CAMTA2: variants seen among roughly 807,000 people sequenced by gnomAD.
CAMTA2 encodes the protein calmodulin binding transcription activator 2, also known as calmodulin-binding transcription activator 2.
A neutral mutation model predicts 135.7 loss-of-function variants in CAMTA2; 56 were observed. The ratio of observed to expected loss-of-function variants is 0.41; its 90% CI spans 0.33 to 0.52. The LOEUF is 0.52. Ranked by LOEUF, CAMTA2 falls within the 20% of genes least tolerant of loss-of-function variation. CAMTA2 has a pLI of 0.16. For synonymous variants in CAMTA2, 591 were observed against 604.6 expected (o/e 0.98, Z 0.33); for missense variants, 1,358 against 1,553.4 (o/e 0.87, Z 2.11).
chr17:4,968,723 G>A lies in CAMTA2; in HGVS notation c.*33C>T, dbSNP rs565170102. The A allele has an allele frequency of 4.3e-6, 7 of 1,613,048 alleles. No individual in the cohort carries two copies. The highest frequency in any genetic ancestry group is 2.2e-5 in the East Asian group (1 of 44,864). Reference sequence around the variant, plus strand: ...TCTCCCTGTTAAGACTGCACGAGGCGCCCCCAGGGTGGTGAGAAAGGCGGT... The same window carrying A: ...TCTCCCTGTTAAGACTGCACGAGGCACCCCCAGGGTGGTGAGAAAGGCGGT... On this transcript the variant is annotated 3_prime_UTR_variant, in exon 23 of 23. Coordinates refer to ENST00000348066, the MANE Select transcript of CAMTA2 (RefSeq NM_015099.4).
chr17:4,972,972 C>T lies in CAMTA2; in HGVS notation c.2300G>A (p.Gly767Glu). 1 of 1,612,936 alleles carries T rather than the reference C, an allele frequency of 6.2e-7. No homozygotes were observed. The highest frequency in any genetic ancestry group is 8.5e-7 in the Non-Finnish European group (1 of 1,179,796). ...CTPLMWACAL[G>E]HLEAAVLLFR... ...AAGGAGCACAGCAGCTTCCAGGTGT[C>T]CCAGGGCACAAGCCCACATCTGAGG... Residue 767 changes from glycine (G) to glutamate (E), a missense_variant, in exon 15 of 23, where the codon GGA becomes GAA. Gly to Glu is a moderately conservative substitution (Grantham distance 98). Around this residue, in one of 4 missense-constraint regions of CAMTA2, gnomAD observed 1,077 missense variants for 1,127.5 expected, o/e 0.96. Transcript: ENST00000348066.
At chr17:4,982,725 G>C (rs547769975) in intron 5 of CAMTA2, 32 bp downstream of exon 5, 1 of 1,612,672 alleles carries the variant, frequency 6.2e-7, no homozygotes, top group South Asian at 1.1e-5. Flanking sequence ...GGGCAGGCTC[G>C]GGAAGATGAG....
chr17:4,970,540 G>A lies in CAMTA2; in HGVS notation c.2809-4C>T, dbSNP rs753261673. The stretch of plus-strand genomic sequence containing the variant: ...TGGCTAGTGAGATCATGTCCACCTG[G>A]AAGAAGGGAGAAGCTGAGTGAGTCC... On this transcript the variant is annotated splice_polypyrimidine_tract_variant and splice_region_variant and intron_variant, in intron 16 of 22. Coordinates refer to ENST00000348066, the MANE Select transcript of CAMTA2 (RefSeq NM_015099.4). 6 of 1,605,992 alleles carry A rather than the reference G, an allele frequency of 3.7e-6. No individual in the cohort carries two copies. In the African/African-American group the frequency reaches 4.0e-5, roughly 11 times the overall value.
chr17:4,971,778 T>C (rs1299667255), intron 16 of CAMTA2, among the ~76,000 whole-genome samples: 1 of 147,918 alleles, frequency 6.8e-6, no homozygotes, highest in Non-Finnish European at 1.5e-5. Flanking sequence ...AGCCTGTGCC[T>C]CCTGGGTTCA....
In CAMTA2 at chr17:4,986,268, G is replaced by A. The variant is rs1415823620; in HGVS notation, c.-46C>T. On this transcript the variant is annotated 5_prime_UTR_variant, in exon 2 of 23. Transcript: ENST00000348066. Reference sequence around the variant, plus strand: ...AGGTCACCCCCGGCCTGAGGGGCCGGGGGGAGGGGGAGTCTGTGCTGGGAA... The same window carrying A: ...AGGTCACCCCCGGCCTGAGGGGCCGAGGGGAGGGGGAGTCTGTGCTGGGAA... The A allele has an allele frequency of 2.0e-6, 3 of 1,477,436 alleles. No homozygotes were observed. The highest frequency in any genetic ancestry group is 2.8e-5 in the African/African-American group (2 of 71,158). The allele number at this position is 1,477,436 out of a possible 1,614,324, so 91.5% of individuals were successfully genotyped here.
At chr17:4,968,856 G>A (rs779792729) in intron 22 of CAMTA2, 37 bp from the exon 23 acceptor site, 2 of 1,612,110 alleles carry the variant, frequency 1.2e-6, no homozygotes, top group Admixed American at 1.7e-5. Context: ...GGAGACTGGC[G>A]GATCACGACG....
chr17:4,976,288 G>A (rs530342416), intron 11 of CAMTA2, among the ~76,000 whole-genome samples: 125 of 152,132 alleles, frequency 8.2e-4, no homozygotes, highest in Non-Finnish European at 1.4e-3. Context: ...TTAGAAGCAC[G>A]AGCCACCGCG....
intron 1 of CAMTA2, chr17:4,986,882 C>A: frequency 7.9e-7 from 1 of 1,271,164 alleles, no homozygotes; most frequent in Non-Finnish European, 1.1e-6. Context: ...CACCCTCCGG[C>A]TGACAGCCCT....
chr17:4,969,527 G>A lies in CAMTA2; in HGVS notation c.3262-7C>T, dbSNP rs367969360. Reference sequence around the variant, plus strand: ...TAAGTGCAATCCAGGTCAGCTTGTGGAGAGAGAAGGGGAGTTAGGGCTCTG... The same window carrying A: ...TAAGTGCAATCCAGGTCAGCTTGTGAAGAGAGAAGGGGAGTTAGGGCTCTG... On this transcript the variant is annotated splice_polypyrimidine_tract_variant and splice_region_variant and intron_variant, in intron 19 of 22. Coordinates refer to ENST00000348066, the MANE Select transcript of CAMTA2 (RefSeq NM_015099.4). This position sits in a 1 kb window ranked among gnomAD's most constrained non-coding sequence, Gnocchi z 5.6. 1 of 1,614,014 alleles carries A rather than the reference G, an allele frequency of 6.2e-7. No individual in the cohort carries two copies. The highest frequency in any genetic ancestry group is 8.5e-7 in the Non-Finnish European group (1 of 1,180,018).
At chr17:4,987,276 G>A in intron 1 of CAMTA2, 1 of 1,343,048 alleles carries the variant, frequency 7.4e-7, no homozygotes, top group African/African-American at 1.5e-5. Context: ...GAACCTCCGA[G>A]GTGGGAGGGT....
chr17:4,979,025 C>T (rs1972797622), intron 9 of CAMTA2, among the ~76,000 whole-genome samples: 1 of 152,230 alleles, frequency 6.6e-6, no homozygotes. Flanking sequence ...AGTCTGCAAT[C>T]ACATCCCTGA....
chr17:4,982,294 A>G (rs1208091433), intron 5 of CAMTA2, 134 bp from the exon 6 acceptor site: 2 of 672,992 alleles, frequency 3.0e-6, no homozygotes, highest in Non-Finnish European at 5.3e-6. Context: ...GCCCCCACCT[A>G]TTCCCCACCC....
chr17:4,979,582 GAA>G, intron 9 of CAMTA2, 100 bp downstream of exon 9: 1 of 733,878 alleles, frequency 1.4e-6, no homozygotes, highest in African/African-American at 1.8e-5. Context: ...AAAACTGAGG[GAA>G]ACTAGGTCAC....
chr17:4,984,998 C>T (rs538855917), intron 3 of CAMTA2, among the ~76,000 whole-genome samples: 6 of 136,302 alleles, frequency 4.4e-5, no homozygotes, highest in Admixed American at 1.6e-4. Context: ...GCCTGGGCGA[C>T]AGAGCGAGAC....
intron 11 of CAMTA2, 22 bp downstream of exon 11, chr17:4,977,036 G>A: frequency 1.2e-6 from 2 of 1,613,720 alleles, no homozygotes; most frequent in East Asian, 2.2e-5. Flanking sequence ...GGATACTTGG[G>A]TTCAGAGGGC....
In CAMTA2 at chr17:4,970,390, C is replaced by T. The variant is rs1462113506; in HGVS notation, c.2955G>A (p.Leu985=). 1 of 1,614,180 alleles carries T rather than the reference C, an allele frequency of 6.2e-7. No individual in the cohort carries two copies. Among genetic ancestry groups the T allele is most frequent in the Non-Finnish European group, 8.5e-7 (1 of 1,180,042 alleles). The change falls in exon 17 of 23, where the codon CTG becomes CTA. Residue 985 remains leucine (L), a synonymous_variant. Transcript: ENST00000348066. Reference sequence around the variant, plus strand: ...GGTCCACATTCTCCAGGTAGCTGGCCAGCCAGGACATGGTCTCACTGAGCC... The same window carrying T: ...GGTCCACATTCTCCAGGTAGCTGGCTAGCCAGGACATGGTCTCACTGAGCC... ...AVGLSETMSW[L]ASYLENVDHF... is the part of the protein sequence containing the mutation.
In CAMTA2 at chr17:4,968,580, G is replaced by T. The variant is rs556693630; in HGVS notation, c.*176C>A. On this transcript the variant is annotated 3_prime_UTR_variant, in exon 23 of 23. Transcript: ENST00000348066. ...AAAAGAGACGGGGCACGACCAGGAG[G>T]GACGAGGAGAGGGGTGTGGGAGCAA... 3.9e-5 allele frequency: 26 copies of T among 663,172 alleles called. 1 individual carries two copies. In the South Asian group the frequency reaches 4.3e-4, roughly 11 times the overall value. 41.1% of individuals were successfully genotyped at this position (663,172 alleles called of 1,614,324 possible). A position where few individuals can be genotyped will look rare whatever the true frequency, so the allele number is the denominator to read the frequency against.
chr17:4,970,292 T>A, intron 17 of CAMTA2, 48 bp downstream of exon 17: 1 of 1,594,998 alleles, frequency 6.3e-7, no homozygotes, highest in Non-Finnish European at 8.6e-7. Context: ...TCTCCCTTCC[T>A]CCCATCTTCC....
chr17:4,985,913 C>G lies in CAMTA2; in HGVS notation c.102G>C (p.Leu34=), dbSNP rs1459447554. 1.9e-6 allele frequency: 3 copies of G among 1,614,008 alleles called. No homozygotes were observed. The highest frequency in any genetic ancestry group is 1.7e-4 in the Middle Eastern group (1 of 6,056). The change falls in exon 3 of 23, where the codon CTG becomes CTC. Residue 34 remains leucine, a synonymous_variant. Transcript: ENST00000348066. The stretch of plus-strand genomic sequence containing the variant: ...TATTCCACCGTAGCCTCTCTGGAGG[C>G]AGCAGCGGGCAGCGAGGAAGACACT... ...LLECLPRCPL[L]PPERLRWNTN...
Sources: gnomAD v4.1 joint callset for allele counts (sites outside exome capture counted in the v4.1 genomes callset) on GRCh38, gnomAD v4.1.1 for gene constraint, gnomAD v4.1.1 regional missense constraint, Gnocchi (gnomAD v3.1) non-coding constraint, MANE v1.5 for transcripts, NCBI Gene and HGNC (gene_info 2026-07-23, HGNC 2026-07-21) for gene names.